The following RTN1 variants were observed in gnomAD, a reference collection of about 807,000 sequenced individuals.
RTN1 encodes the protein reticulon 1.
A neutral mutation model predicts 65.5 loss-of-function variants in RTN1; 25 were observed. That is an observed-to-expected ratio of 0.38 (90% CI 0.28 to 0.53). The LOEUF is 0.53. Among genes scored for constraint, RTN1 ranks in the 20% least tolerant of loss-of-function variants. The probability of loss-of-function intolerance (pLI) is 0.79; values close to 1 mark genes in which losing one functional copy is unlikely to be tolerated. For missense variants in RTN1, 983 were observed against 1,025.4 expected, an observed-to-expected ratio of 0.96 and a Z score of 0.57; for synonymous variants, 471 against 447.6, an observed-to-expected ratio of 1.05 and a Z score of -0.66.
intron 3 of RTN1, among the ~76,000 whole-genome samples, chr14:59,612,459 T>C (rs941623004): frequency 6.6e-6 from 1 of 152,226 alleles, no homozygotes; most frequent in Admixed American, 6.5e-5. Context: ...AGTAAATTAC[T>C]GGTCTCCTCC....
intron 3 of RTN1, among the ~76,000 whole-genome samples, chr14:59,637,334 C>G (rs1455877510): frequency 1.3e-5 from 2 of 152,204 alleles, no homozygotes; most frequent in African/African-American, 4.8e-5. Flanking sequence ...TTGGGCTCTA[C>G]TTCTAATTCT....
intron 1 of RTN1, among the ~76,000 whole-genome samples, chr14:59,755,363 A>T (rs923506499): frequency 2.0e-5 from 3 of 152,100 alleles, no homozygotes; most frequent in Non-Finnish European, 2.9e-5. Context: ...ATTTTTTTTT[A>T]AAAAGTGTGG....
At position 59,747,470 on chromosome 14, in the gene RTN1, G is replaced by A. The variant is rs569458761; in HGVS notation, c.242-989C>T. 1.2e-4 allele frequency among the ~76,000 whole-genome samples: 19 copies of A among 152,268 alleles called. No homozygotes were observed. In the East Asian group the frequency reaches 3.3e-3, roughly 26 times the overall value. On this transcript the variant is annotated intron_variant, in intron 1 of 8. Coordinates refer to ENST00000267484, the MANE Select transcript of RTN1 (RefSeq NM_021136.3). ...ACTAAAAATACAAAATTAGCCAGGC[G>A]TGTTGGCGCATGCCTGTAATCCCAG...
chr14:59,816,949 T>C lies in RTN1; in HGVS notation c.241+53441A>G, dbSNP rs1217488092. ...CCGTGACTCAAAATCAATTAATTAA[T>C]AAATAAAATACACAGTACCAATAAG... On this transcript the variant is annotated intron_variant, in intron 1 of 8. Transcript: ENST00000267484. The surrounding 1 kb of genome is among the most constrained non-coding windows in gnomAD (Gnocchi z 4.3). Among the ~76,000 whole-genome samples, 1 of 152,136 alleles carries C rather than the reference T, an allele frequency of 6.6e-6. No individual in the cohort carries two copies. Among genetic ancestry groups the C allele is most frequent in the African/African-American group, 2.4e-5 (1 of 41,430 alleles).
At chr14:59,778,072 T>C (rs1886087621) in intron 1 of RTN1, among the ~76,000 whole-genome samples, 2 of 152,108 alleles carry the variant, frequency 1.3e-5, no homozygotes, top group Non-Finnish European at 2.9e-5. Context: ...AAAAATGCTT[T>C]CCTTCCCCTT....
chr14:59,631,834 G>A (rs1450136612), intron 3 of RTN1, among the ~76,000 whole-genome samples: 1 of 152,088 alleles, frequency 6.6e-6, no homozygotes, highest in Non-Finnish European at 1.5e-5. Flanking sequence ...AGTTCAGAGG[G>A]AGCAGGAACA....
intron 3 of RTN1, among the ~76,000 whole-genome samples, chr14:59,676,290 T>C (rs1053316241): frequency 4.6e-5 from 7 of 152,238 alleles, no homozygotes; most frequent in African/African-American, 1.7e-4. Flanking sequence ...GTCAGTGTCT[T>C]ATGTGTATAG....
chr14:59,702,276 A>AT (rs1292979726), intron 3 of RTN1, among the ~76,000 whole-genome samples: 1 of 152,200 alleles, frequency 6.6e-6, no homozygotes, highest in African/African-American at 2.4e-5. Flanking sequence ...ACACTGTACA[A>AT]TATGTCAAGG....
At chr14:59,832,297 A>G (rs1481532713) in intron 1 of RTN1, among the ~76,000 whole-genome samples, 1 of 152,204 alleles carries the variant, frequency 6.6e-6, no homozygotes, top group Non-Finnish European at 1.5e-5. Context: ...AAGAAAAAAT[A>G]AAGTTCCCTA....
intron 3 of RTN1, among the ~76,000 whole-genome samples, chr14:59,672,815 T>C (rs1883539680): frequency 6.7e-6 from 1 of 149,794 alleles, no homozygotes; most frequent in Admixed American, 6.7e-5. Context: ...TAATTTTTTG[T>C]ATTTTTAGTA....
At chr14:59,608,206 T>C (rs1300908063) in intron 3 of RTN1, among the ~76,000 whole-genome samples, 1 of 152,180 alleles carries the variant, frequency 6.6e-6, no homozygotes, top group Non-Finnish European at 1.5e-5. Flanking sequence ...AAATTTACCC[T>C]CCAACTGGGT....
chr14:59,846,822 G>A lies in RTN1; in HGVS notation c.241+23568C>T, dbSNP rs1359139411. ...ATGCACAGTCTGTCCAACTCTGACAGCCATATGCACTCTCAGAGAAGCAGC... is the reference window on the plus strand; with the variant it reads ...ATGCACAGTCTGTCCAACTCTGACAACCATATGCACTCTCAGAGAAGCAGC... On this transcript the variant is annotated intron_variant, in intron 1 of 8. Transcript: ENST00000267484. The surrounding 1 kb of genome is among the most constrained non-coding windows in gnomAD (Gnocchi z 4.8). Among the ~76,000 whole-genome samples, 3 of 152,148 alleles carry A rather than the reference G, an allele frequency of 2.0e-5. No homozygotes were observed. The highest frequency in any genetic ancestry group is 4.4e-5 in the Non-Finnish European group (3 of 68,014).
intron 1 of RTN1, among the ~76,000 whole-genome samples, chr14:59,749,388 A>ATATATC (rs1885344251): frequency 4.2e-5 from 2 of 47,112 alleles, no homozygotes; most frequent in African/African-American, 3.1e-4. Flanking sequence ...CTATATCTAT[A>ATATATC]TATATCTATA....
chr14:59,615,668 C>A (rs931289221), intron 3 of RTN1, among the ~76,000 whole-genome samples: 2 of 152,272 alleles, frequency 1.3e-5, no homozygotes, highest in African/African-American at 4.8e-5. Flanking sequence ...AAAACACTAG[C>A]TTTAACATTA....
chr14:59,638,522 T>G (rs536769558), intron 3 of RTN1, among the ~76,000 whole-genome samples: 56 of 152,342 alleles, frequency 3.7e-4, no homozygotes, highest in African/African-American at 1.3e-3. Context: ...CAACTTAAAG[T>G]CACCAGCTGC....
Position 59,607,385 on chromosome 14 carries a change from C to T in RTN1, c.1873G>A (p.Ala625Thr). 5 of 1,613,280 alleles carry T rather than the reference C, an allele frequency of 3.1e-6. No individual in the cohort carries two copies. The highest frequency in any genetic ancestry group is 4.2e-6 in the Non-Finnish European group (5 of 1,179,826). ...LTQFSVVSVV[A>T]YLALAALSAT... Reference sequence around the variant, plus strand: ...GAGAGTGCGGCCAGGGCCAGGTAGGCCACGACGCTCACCACGCTGAACTGG... The same window carrying T: ...GAGAGTGCGGCCAGGGCCAGGTAGGTCACGACGCTCACCACGCTGAACTGG... Residue 625 changes from alanine to threonine, a missense_variant, in exon 4 of 9, where the codon GCC becomes ACC. By Grantham distance (58) the Ala-to-Thr change is moderately conservative. This residue lies in a region of RTN1 where 165 missense variants were observed against 223.6 expected (regional missense o/e 0.74). Transcript: ENST00000267484.
chr14:59,813,273 T>A (rs1472730426), intron 1 of RTN1, among the ~76,000 whole-genome samples: 1 of 152,210 alleles, frequency 6.6e-6, no homozygotes. Context: ...AATTGGAAAC[T>A]GAATTTTCTA....
chr14:59,812,106 A>G (rs1009743134), intron 1 of RTN1, among the ~76,000 whole-genome samples: 3 of 152,162 alleles, frequency 2.0e-5, no homozygotes, highest in Non-Finnish European at 2.9e-5. Flanking sequence ...CATTGCTACA[A>G]AGAAGTTAAA....
intron 1 of RTN1, among the ~76,000 whole-genome samples, chr14:59,856,595 G>A (rs1367730338): frequency 1.3e-5 from 2 of 152,164 alleles, no homozygotes; most frequent in East Asian, 1.9e-4. Flanking sequence ...AAACGCAGCA[G>A]ATCACCACTC....
Sources: allele counts gnomAD v4.1 joint callset (sites outside exome capture counted in the v4.1 genomes callset), GRCh38; gene constraint gnomAD v4.1.1; regional missense constraint gnomAD v4.1.1; non-coding constraint Gnocchi (gnomAD v3.1); transcripts MANE v1.5; gene names NCBI Gene and HGNC (gene_info 2026-07-23, HGNC 2026-07-21).